Variants in FHIT observed in about 807,000 individuals in gnomAD.
FHIT encodes bis(5'-adenosyl)-triphosphatase.
Under a neutral mutation model 17.9 loss-of-function variants are expected in FHIT, and 19 were observed. The observed-to-expected ratio is 1.06, with a 90% confidence interval of 0.74 to 1.56. The LOEUF (loss-of-function observed/expected upper bound fraction) is 1.56, where lower values mean the gene tolerates loss of function less well. Ranked by LOEUF, FHIT falls within the 40% of genes most tolerant of loss-of-function variation. The pLI is 0.00. For missense variants in FHIT, 248 were observed against 189.2 expected (o/e 1.31, Z -1.82); for synonymous variants, 81 against 69.7 (o/e 1.16, Z -0.81).
In FHIT at chr3:60,100,573, C is replaced by A. The variant is rs77552887; in HGVS notation, c.104-86421G>T. 4.1e-3 allele frequency among the ~76,000 whole-genome samples: 628 copies of A among 152,254 alleles called. 3 individuals carry two copies. Among genetic ancestry groups the A allele is most frequent in the Non-Finnish European group, 5.5e-3 (372 of 68,018 alleles). ...GAGCCTTCGTCCCTCACTACGCTGA[C>A]CCCGAGTGGTTCCAGTCCCATCATT... On this transcript the variant is annotated intron_variant, in intron 5 of 9. Coordinates refer to ENST00000492590, the MANE Select transcript of FHIT (RefSeq NM_002012.4).
chr3:60,150,317 G>A (rs150569412), intron 5 of FHIT, among the ~76,000 whole-genome samples: 1 of 152,038 alleles, frequency 6.6e-6, no homozygotes, highest in Admixed American at 6.6e-5. Flanking sequence ...CATTTAATGG[G>A]ATGTTAGGAA....
intron 4 of FHIT, among the ~76,000 whole-genome samples, chr3:60,547,720 T>TA (rs1300695601): frequency 1.3e-5 from 2 of 152,180 alleles, no homozygotes; most frequent in Non-Finnish European, 2.9e-5. Flanking sequence ...GCTTTATCTT[T>TA]AAAATTTAAT....
chr3:60,049,447 C>A (rs906570880), intron 5 of FHIT, among the ~76,000 whole-genome samples: 1 of 130,076 alleles, frequency 7.7e-6, no homozygotes, highest in Non-Finnish European at 1.9e-5. Flanking sequence ...TTTGGAATAT[C>A]TTGATGAATC....
At chr3:60,938,860 C>G (rs1302894188) in intron 3 of FHIT, among the ~76,000 whole-genome samples, 4 of 152,156 alleles carry the variant, frequency 2.6e-5, no homozygotes, top group Non-Finnish European at 4.4e-5. Flanking sequence ...AATGGGAAAG[C>G]CTTTCTTTCG....
At chr3:60,425,931 C>T (rs1434852399) in intron 5 of FHIT, among the ~76,000 whole-genome samples, 1 of 152,100 alleles carries the variant, frequency 6.6e-6, no homozygotes, top group African/African-American at 2.4e-5. Flanking sequence ...TGTCTCTGAG[C>T]AGCTCACCAC....
intron 5 of FHIT, among the ~76,000 whole-genome samples, chr3:60,398,231 T>C (rs866552501): frequency 6.6e-6 from 1 of 152,148 alleles, no homozygotes; most frequent in Non-Finnish European, 1.5e-5. Flanking sequence ...CTATGAGGAA[T>C]GGGAAGCTGT....
intron 8 of FHIT, among the ~76,000 whole-genome samples, chr3:59,791,701 T>G (rs67777617): frequency 0.47 from 71,668 of 151,906 alleles, 18,045 homozygotes; most frequent in East Asian, 0.67. Context: ...TTGTCCTTAG[T>G]AAAGGCTTGT....
rs147812133 is a variant in FHIT at position 60,676,717 on chromosome 3, T to C, written c.-17-139738A>G. On this transcript the variant is annotated intron_variant, in intron 4 of 9. Transcript: ENST00000492590. The stretch of plus-strand genomic sequence containing the variant: ...TCCTGGAAAATCTTGGGAGACCAAA[T>C]AGGTTTTGATCTTGACCATTCCCTG... Among the ~76,000 whole-genome samples the C allele has an allele frequency of 6.3e-3, 960 of 152,272 alleles. 10 individuals carry two copies. Among genetic ancestry groups the C allele is most frequent in the African/African-American group, 0.021 (854 of 41,566 alleles).
chr3:61,060,005 T>C lies in FHIT; in HGVS notation c.-163-17906A>G, dbSNP rs537703812. On this transcript the variant is annotated intron_variant, in intron 2 of 9. Transcript: ENST00000492590. ...GTGAGTATGAGTGTGTGTGTGTAGG[T>C]GTGTAGGTGAGTGGGTCCTGCAATG... Among the ~76,000 whole-genome samples the C allele has an allele frequency of 3.3e-5, 5 of 152,166 alleles. No homozygotes were observed. In the South Asian group the frequency reaches 1.0e-3, roughly 32 times the overall value.
At chr3:59,992,826 T>G (rs1470784478) in intron 7 of FHIT, among the ~76,000 whole-genome samples, 1 of 152,010 alleles carries the variant, frequency 6.6e-6, no homozygotes, top group African/African-American at 2.4e-5. Flanking sequence ...CTCGCAACAG[T>G]GTCAGTGTAA....
At chr3:60,738,963 A>G (rs2042189030) in intron 4 of FHIT, among the ~76,000 whole-genome samples, 1 of 152,038 alleles carries the variant, frequency 6.6e-6, no homozygotes. Context: ...GCAGACAAGG[A>G]GAAGAGGAGA....
At chr3:60,737,073 C>T (rs1559682513) in intron 4 of FHIT, among the ~76,000 whole-genome samples, 1 of 152,196 alleles carries the variant, frequency 6.6e-6, no homozygotes, top group Non-Finnish European at 1.5e-5. Flanking sequence ...AGCAGGCATA[C>T]ATAAAAGCTA....
chr3:61,143,720 G>C (rs748158911), intron 2 of FHIT, among the ~76,000 whole-genome samples: 4 of 152,130 alleles, frequency 2.6e-5, no homozygotes, highest in Non-Finnish European at 4.4e-5. Context: ...ACAAAAATTA[G>C]CCGGGCATGG....
chr3:60,090,827 G>C lies in FHIT; in HGVS notation c.104-76675C>G, dbSNP rs142278574. ...ACTACTTCTTAGAAGCAAAGGGCCT[G>C]TGCACCTGTGAAAGAAGATCTGTTG... On this transcript the variant is annotated intron_variant, in intron 5 of 9. Transcript: ENST00000492590. 5.3e-3 allele frequency among the ~76,000 whole-genome samples: 803 copies of C among 152,324 alleles called. 4 individuals carry two copies. The highest frequency in any genetic ancestry group is 0.018 in the African/African-American group (760 of 41,582).
chr3:60,537,116 T>A (rs1415647142), intron 4 of FHIT, 137 bp from the exon 5 acceptor site: 1 of 698,858 alleles, frequency 1.4e-6, no homozygotes, highest in East Asian at 3.0e-5. Context: ...CCTCATTGAA[T>A]GTTCACCAAG....
intron 5 of FHIT, among the ~76,000 whole-genome samples, chr3:60,288,814 A>G (rs142926516): frequency 1.3e-5 from 2 of 152,216 alleles, no homozygotes; most frequent in Admixed American, 1.3e-4. Flanking sequence ...TTATACAATG[A>G]AACCCAATGG....
intron 5 of FHIT, among the ~76,000 whole-genome samples, chr3:60,132,848 C>T (rs1699651899): frequency 6.6e-6 from 1 of 152,124 alleles, no homozygotes; most frequent in African/African-American, 2.4e-5. Context: ...ATCAAAATTC[C>T]TGTTGCTAAA....
At chr3:60,094,395 T>G (rs1309252913) in intron 5 of FHIT, among the ~76,000 whole-genome samples, 2 of 151,972 alleles carry the variant, frequency 1.3e-5, no homozygotes, top group South Asian at 2.1e-4. Flanking sequence ...AACTCACAGT[T>G]TTAGTGACAG....
intron 4 of FHIT, among the ~76,000 whole-genome samples, chr3:60,663,310 T>C (rs2040306710): frequency 6.6e-6 from 1 of 151,460 alleles, no homozygotes; most frequent in South Asian, 2.1e-4. Flanking sequence ...AAAGATCAAT[T>C]TGGGCAGAAC....
Sources: allele counts gnomAD v4.1 joint callset (sites outside exome capture counted in the v4.1 genomes callset), GRCh38; gene constraint gnomAD v4.1.1; transcripts MANE v1.5; gene names NCBI Gene and HGNC (gene_info 2026-07-23, HGNC 2026-07-21).